The following STARD13 variants were observed in gnomAD, a reference collection of about 807,000 sequenced individuals.
STARD13 encodes the protein stAR-related lipid transfer protein 13.
In STARD13, 62 loss-of-function variants were observed where a neutral mutation model predicts 106.4. The ratio of observed to expected loss-of-function variants is 0.58; its 90% CI spans 0.48 to 0.72. STARD13 has a LOEUF of 0.72. STARD13 is among the 30% of genes least tolerant of loss of function. The probability of loss-of-function intolerance (pLI) is 0.00; values close to 1 mark genes in which losing one functional copy is unlikely to be tolerated. For synonymous variants in STARD13, 565 were observed against 553.0 expected (o/e 1.02, Z -0.31); for missense variants, 1,387 against 1,424.0 (o/e 0.97, Z 0.42).
At chr13:33,499,516 T>TCC in the STARD13 span, among the ~76,000 whole-genome samples, 220 of 95,186 alleles carry the variant, frequency 2.3e-3, 4 homozygotes, top group African/African-American at 8.0e-3. Context: ...TTCTTCTTCT[T>TCC]TCTTTCTTCT....
intron 1 of STARD13, among the ~76,000 whole-genome samples, chr13:33,307,329 G>A (rs369077712): frequency 9.2e-5 from 14 of 152,126 alleles, no homozygotes; most frequent in Non-Finnish European, 1.8e-4. Context: ...AAAGGAATAC[G>A]AATCATTCTG....
chr13:33,662,311 G>C, the STARD13 span, among the ~76,000 whole-genome samples: 5 of 151,796 alleles, frequency 3.3e-5, no homozygotes, highest in African/African-American at 9.7e-5. Flanking sequence ...CAAACTATCT[G>C]TCTGGGTTTC....
chr13:33,550,379 A>C, the STARD13 span, among the ~76,000 whole-genome samples: 1 of 152,228 alleles, frequency 6.6e-6, no homozygotes, highest in Non-Finnish European at 1.5e-5. Flanking sequence ...GCATTAGCAC[A>C]TCCCAGAACA....
the STARD13 span, among the ~76,000 whole-genome samples, chr13:33,425,243 T>C: frequency 5.3e-5 from 8 of 152,206 alleles, no homozygotes; most frequent in African/African-American, 9.7e-5. Flanking sequence ...TGGAAAGAGC[T>C]TCTTTCAAAG....
At chr13:33,337,018 A>G (rs1415583206) in intron 1 of STARD13, among the ~76,000 whole-genome samples, 1 of 152,026 alleles carries the variant, frequency 6.6e-6, no homozygotes, top group Non-Finnish European at 1.5e-5. Context: ...ATATATACAT[A>G]TATGTGTGTA....
the STARD13 span, among the ~76,000 whole-genome samples, chr13:33,619,632 A>C: frequency 6.6e-6 from 1 of 152,204 alleles, no homozygotes; most frequent in Non-Finnish European, 1.5e-5. Context: ...GAATACTAAA[A>C]ATTTTTGATT....
At chr13:33,366,456 C>T in the STARD13 span, among the ~76,000 whole-genome samples, 1 of 152,176 alleles carries the variant, frequency 6.6e-6, no homozygotes, top group Non-Finnish European at 1.5e-5. The surrounding 1 kb of genome is among the most constrained non-coding windows in gnomAD (Gnocchi z 4.2). Context: ...ATAACTTCAT[C>T]TTCCTGTTTC....
the STARD13 span, among the ~76,000 whole-genome samples, chr13:33,581,538 G>T: frequency 6.6e-6 from 1 of 152,082 alleles, no homozygotes; most frequent in African/African-American, 2.4e-5. Context: ...TGTAAAACTG[G>T]TGTTTCAATT....
intron 1 of STARD13, chr13:33,272,647 A>G (rs1891219359): frequency 6.6e-6 from 1 of 152,178 alleles, no homozygotes; most frequent in Middle Eastern, 3.2e-3. Context: ...GCAGCTGCAC[A>G]GATTCAAGCA....
chr13:33,570,634 G>C, the STARD13 span, among the ~76,000 whole-genome samples: 4 of 120,996 alleles, frequency 3.3e-5, 2 homozygotes, highest in Non-Finnish European at 7.3e-5. Context: ...AGACTGTCTT[G>C]GTAATGCAAA....
the STARD13 span, among the ~76,000 whole-genome samples, chr13:33,531,874 A>G: frequency 6.6e-6 from 1 of 152,196 alleles, no homozygotes; most frequent in Non-Finnish European, 1.5e-5. Context: ...TTCCATAATT[A>G]CTCATTTGTT....
At chr13:33,436,289 A>G in the STARD13 span, among the ~76,000 whole-genome samples, 1 of 152,210 alleles carries the variant, frequency 6.6e-6, no homozygotes, top group Non-Finnish European at 1.5e-5. Flanking sequence ...CAATCTTTAA[A>G]TGAATAGTAT....
the STARD13 span, among the ~76,000 whole-genome samples, chr13:33,519,210 T>TTC: frequency 1.5e-5 from 1 of 65,772 alleles, no homozygotes; most frequent in Admixed American, 1.6e-4. Flanking sequence ...TGGTAATTTT[T>TTC]TCTTTCTTTC....
chr13:33,494,276 C>T, the STARD13 span, among the ~76,000 whole-genome samples: 2 of 152,136 alleles, frequency 1.3e-5, no homozygotes, highest in Admixed American at 1.3e-4. Context: ...CACCCCCACC[C>T]GGGGCACTTA....
At chr13:33,118,327 C>T in intron 7 of STARD13, 64 bp from the exon 8 acceptor site, 1 of 1,398,390 alleles carries the variant, frequency 7.2e-7, no homozygotes, top group Non-Finnish European at 1.0e-6. Flanking sequence ...GAGGAGGAAG[C>T]ATGGGAAGGG....
the STARD13 span, among the ~76,000 whole-genome samples, chr13:33,559,787 G>A: frequency 6.6e-6 from 1 of 151,468 alleles, no homozygotes; most frequent in Non-Finnish European, 1.5e-5. Context: ...AACCCGGGAG[G>A]TGGACGTTGC....
At chr13:33,239,884 G>A (rs1889381141) in intron 1 of STARD13, among the ~76,000 whole-genome samples, 1 of 152,118 alleles carries the variant, frequency 6.6e-6, no homozygotes, top group South Asian at 2.1e-4. Flanking sequence ...CTGTGTAGGA[G>A]TTTTTAAGTT....
At chr13:33,515,267 A>G in the STARD13 span, among the ~76,000 whole-genome samples, 2 of 152,192 alleles carry the variant, frequency 1.3e-5, no homozygotes, top group Admixed American at 6.5e-5. Context: ...GGAGCAGGCT[A>G]TTTAGAAAAG....
the STARD13 span, among the ~76,000 whole-genome samples, chr13:33,361,349 CAT>C: frequency 6.6e-6 from 1 of 152,120 alleles, no homozygotes; most frequent in South Asian, 2.1e-4. Context: ...ATACATGTAA[CAT>C]AACAAAACGT....
Sources: gnomAD v4.1 joint callset for allele counts (sites outside exome capture counted in the v4.1 genomes callset) on GRCh38, gnomAD v4.1.1 for gene constraint, Gnocchi (gnomAD v3.1) non-coding constraint, MANE v1.5 for transcripts, NCBI Gene and HGNC (gene_info 2026-07-23, HGNC 2026-07-21) for gene names.